MACF1: variants seen among roughly 807,000 people sequenced by gnomAD.
MACF1 encodes microtubule actin crosslinking factor 1.
MACF1 carries 193 observed loss-of-function variants against 854.8 expected under a neutral mutation model. That is an observed-to-expected ratio of 0.23 (90% CI 0.20 to 0.25). MACF1 has a LOEUF of 0.25. Among genes scored for constraint, MACF1 ranks in the 10% least tolerant of loss-of-function variants. MACF1 has a pLI of 1.00. For missense variants in MACF1, 7,722 were observed against 8,929.1 expected, an observed-to-expected ratio of 0.86 and a Z score of 5.45; for synonymous variants, 3,185 against 3,226.7, an observed-to-expected ratio of 0.99 and a Z score of 0.44.
intron 80 of MACF1, among the ~76,000 whole-genome samples, chr1:39,445,555 A>G (rs1644210256): frequency 6.6e-6 from 1 of 152,246 alleles, no homozygotes; most frequent in Non-Finnish European, 1.5e-5. Context: ...ACAGAAGGGC[A>G]TAAAACACAT....
intron 96 of MACF1, 95 bp downstream of exon 96, chr1:39,468,827 G>A: frequency 8.6e-7 from 1 of 1,165,192 alleles, no homozygotes; most frequent in Non-Finnish European, 1.3e-6. Context: ...GGGTCTGTCT[G>A]TTTTTTATTT....
chr1:39,164,995 G>A (rs1053895062), intron 2 of MACF1, among the ~76,000 whole-genome samples: 1 of 152,168 alleles, frequency 6.6e-6, no homozygotes, highest in Non-Finnish European at 1.5e-5. Context: ...TTCTGACTTG[G>A]AGTGGACATC....
Position 39,447,706 on chromosome 1 carries a change from A to C in MACF1, c.19776A>C (p.Glu6592Asp). The C allele has an allele frequency of 6.2e-7, 1 of 1,614,194 alleles. No homozygotes were observed. The highest frequency in any genetic ancestry group is 8.5e-7 in the Non-Finnish European group (1 of 1,180,024). ...TGTTCCCTCAGGTTTTTGCTAATGA[A>C]GTAAATGCTCATCGAGACCAGATCA... ...QIEEHKVFAN[E>D]VNAHRDQIIE... Residue 6592 changes from glutamate to aspartate, a missense_variant, in exon 82 of 101, where the codon GAA becomes GAC. Physicochemically the swap from Glu to Asp is conservative, Grantham distance 45. This residue lies in a region of MACF1 where 729 missense variants were observed against 900.5 expected (regional missense o/e 0.81). Coordinates refer to ENST00000564288, the MANE Select transcript of MACF1 (RefSeq NM_001394062.1).
In MACF1 at chr1:39,479,919, C is replaced by T. The variant is rs1424403204; in HGVS notation, c.22080C>T (p.Ser7360=). The T allele has an allele frequency of 6.8e-6, 11 of 1,614,110 alleles. No homozygotes were observed. Among genetic ancestry groups the T allele is most frequent in the Non-Finnish European group, 9.3e-6 (11 of 1,180,034 alleles). ...RRSKPSSRAA[S]PTRSSSSASQ... is the part of the protein sequence containing the mutation. The stretch of plus-strand genomic sequence containing the variant: ...CCAAACCATCTTCCCGGGCAGCTTC[C>T]CCTACTCGTTCCAGCTCCAGTGCTA... Residue 7360 remains serine, a synonymous_variant, in exon 98 of 101, where the codon TCC becomes TCT. Coordinates refer to ENST00000564288, the MANE Select transcript of MACF1 (RefSeq NM_001394062.1).
At position 39,300,914 on chromosome 1, in the gene MACF1, C is replaced by T. The variant is rs896806443; in HGVS notation, c.2634+552C>T. On this transcript the variant is annotated intron_variant, in intron 22 of 100. Coordinates refer to ENST00000564288, the MANE Select transcript of MACF1 (RefSeq NM_001394062.1). The stretch of plus-strand genomic sequence containing the variant: ...CAGTGACTTGCAGCTATAGTCTACT[C>T]GGGAGGCTGAGACAGGAGAATCGCT... Among the ~76,000 whole-genome samples the T allele has an allele frequency of 4.6e-5, 7 of 152,044 alleles. No homozygotes were observed. The East Asian group carries it at 5.8e-4, about 13-fold the overall frequency.
intron 67 of MACF1, 101 bp from the exon 68 acceptor site, chr1:39,432,947 G>A (rs568846179): frequency 2.7e-6 from 2 of 746,342 alleles, no homozygotes; most frequent in East Asian, 2.8e-5. Context: ...AACTGTATAA[G>A]AACAATTTTT....
At chr1:39,224,890 A>G (rs1203796754) in intron 1 of MACF1, among the ~76,000 whole-genome samples, 1 of 152,178 alleles carries the variant, frequency 6.6e-6, no homozygotes, top group Non-Finnish European at 1.5e-5. Flanking sequence ...CAAGTATTAA[A>G]TCCTTCTAAT....
At chr1:39,404,316 C>A (rs1167898038) in intron 58 of MACF1, among the ~76,000 whole-genome samples, 8 of 150,630 alleles carry the variant, frequency 5.3e-5, no homozygotes, top group Non-Finnish European at 8.9e-5. Context: ...ACTAAAAATA[C>A]AAAAATTAGC....
intron 1 of MACF1, among the ~76,000 whole-genome samples, chr1:39,226,123 T>C (rs187197776): frequency 4.6e-5 from 7 of 152,342 alleles, no homozygotes; most frequent in Admixed American, 4.6e-4. Flanking sequence ...GAGGAGCTTA[T>C]GGCTCAGCTC....
intron 58 of MACF1, among the ~76,000 whole-genome samples, chr1:39,390,049 G>T (rs1283850358): frequency 9.2e-5 from 14 of 152,212 alleles, no homozygotes; most frequent in Admixed American, 9.2e-4. Context: ...TGGATTTACT[G>T]GGTTAGGAGC....
intron 31 of MACF1, among the ~76,000 whole-genome samples, chr1:39,322,147 A>G (rs1336987635): frequency 6.6e-6 from 1 of 152,176 alleles, no homozygotes; most frequent in East Asian, 1.9e-4. Context: ...TTAATTAGGG[A>G]AATTCACATC....
At chr1:39,444,424 T>C (rs760198455) in intron 79 of MACF1, among the ~76,000 whole-genome samples, 3 of 152,242 alleles carry the variant, frequency 2.0e-5, no homozygotes, top group African/African-American at 7.2e-5. Context: ...ATGTTAATAC[T>C]TACATTTTAA....
intron 45 of MACF1, 74 bp downstream of exon 45, chr1:39,357,967 G>A: frequency 6.9e-7 from 1 of 1,458,048 alleles, no homozygotes; most frequent in Non-Finnish European, 9.2e-7. Context: ...AGTGTCTGGG[G>A]CTCAGAATAA....
chr1:39,301,022 A>G (rs1460855514), intron 22 of MACF1, among the ~76,000 whole-genome samples: 1 of 152,214 alleles, frequency 6.6e-6, no homozygotes, highest in Non-Finnish European at 1.5e-5. Flanking sequence ...CTCAAAAAAA[A>G]TAAAAGGCAT....
At chr1:39,191,553 A>C (rs556908348) in intron 2 of MACF1, among the ~76,000 whole-genome samples, 1 of 152,326 alleles carries the variant, frequency 6.6e-6, no homozygotes, top group East Asian at 1.9e-4. Flanking sequence ...GGGACACCTA[A>C]GGATGGATGG....
At chr1:39,142,748 C>T (rs1643371609) in intron 2 of MACF1, among the ~76,000 whole-genome samples, 1 of 152,214 alleles carries the variant, frequency 6.6e-6, no homozygotes, top group Non-Finnish European at 1.5e-5. Context: ...AGCCTCAGCC[C>T]TGCATCCTGC....
At chr1:39,364,585 C>T (rs1342886149) in intron 49 of MACF1, among the ~76,000 whole-genome samples, 4 of 151,634 alleles carry the variant, frequency 2.6e-5, no homozygotes, top group Non-Finnish European at 2.9e-5. Flanking sequence ...CTCTGCCTCC[C>T]GGGTTCACGC....
At chr1:39,175,751 G>GA (rs1293072748) in intron 2 of MACF1, among the ~76,000 whole-genome samples, 8 of 151,822 alleles carry the variant, frequency 5.3e-5, no homozygotes, top group Non-Finnish European at 8.8e-5. Context: ...CCAGGAGTTT[G>GA]AAACCAGCCT....
Position 39,336,629 on chromosome 1 carries a change from C to T in MACF1, c.10041C>T (p.Asn3347=), listed in dbSNP as rs367785592. Residue 3347 remains asparagine, a synonymous_variant, in exon 37 of 101, where the codon AAC becomes AAT. Transcript: ENST00000564288. ...AAGGAAAGGGAAATGGAGGTGTAAA[C>T]CCAGAGCCCTTCAGAGCAACTCAGG... is the stretch of plus-strand genomic sequence containing the variant. ...APEGKGNGGV[N]PEPFRATQNV... is the part of the protein sequence containing the mutation. 7 of 1,611,024 alleles carry T rather than the reference C, an allele frequency of 4.3e-6. No homozygotes were observed. The African/African-American group carries it at 9.4e-5, about 22-fold the overall frequency.
Sources: allele counts gnomAD v4.1 joint callset (sites outside exome capture counted in the v4.1 genomes callset), GRCh38; gene constraint gnomAD v4.1.1; regional missense constraint gnomAD v4.1.1; transcripts MANE v1.5; gene names NCBI Gene and HGNC (gene_info 2026-07-23, HGNC 2026-07-21).